ITGB8: variants seen among roughly 807,000 people sequenced by gnomAD.
ITGB8 encodes integrin beta-8.
In ITGB8, 30 loss-of-function variants were observed where a neutral mutation model predicts 89.5. That is an observed-to-expected ratio of 0.34 (90% CI 0.25 to 0.45). ITGB8 has a LOEUF of 0.45. ITGB8 is among the 20% of genes least tolerant of loss of function. ITGB8 has a pLI of 1.00. For synonymous variants in ITGB8, 335 were observed against 320.4 expected, an observed-to-expected ratio of 1.05 and a Z score of -0.49; for missense variants, 836 against 933.3, an observed-to-expected ratio of 0.90 and a Z score of 1.36.
chr7:20,403,890 T>C (rs1377099112), intron 10 of ITGB8, among the ~76,000 whole-genome samples: 3 of 152,222 alleles, frequency 2.0e-5, no homozygotes, highest in Non-Finnish European at 2.9e-5. Context: ...TAGTGCACAT[T>C]GGCATATTAA....
intron 12 of ITGB8, among the ~76,000 whole-genome samples, chr7:20,409,377 A>C (rs960339847): frequency 2.0e-5 from 3 of 152,260 alleles, no homozygotes; most frequent in Non-Finnish European, 4.4e-5. Context: ...TGAATACCTT[A>C]ATCATGGCTA....
chr7:20,414,664 T>C lies in ITGB8; in HGVS notation c.*4667T>C, dbSNP rs1379177373. The C allele has an allele frequency of 1.3e-5, 2 of 152,540 alleles. No homozygotes were observed. The highest frequency in any genetic ancestry group is 1.3e-4 in the Admixed American group (2 of 15,274). 9.4% of individuals were successfully genotyped at this position (152,540 alleles called of 1,614,324 possible). Reference sequence around the variant, plus strand: ...TTCTTCTTTATCATTTGTGGGTTTTTCCCCCTTGGCTCTGATCACTTTAAC... The same window carrying C: ...TTCTTCTTTATCATTTGTGGGTTTTCCCCCCTTGGCTCTGATCACTTTAAC... On this transcript the variant is annotated 3_prime_UTR_variant, in exon 14 of 14. Coordinates refer to ENST00000222573, the MANE Select transcript of ITGB8 (RefSeq NM_002214.3).
At chr7:20,388,604 T>G (rs954968864) in intron 6 of ITGB8, among the ~76,000 whole-genome samples, 8 of 152,140 alleles carry the variant, frequency 5.3e-5, no homozygotes, top group African/African-American at 2.4e-5. Context: ...AAAAATCTGT[T>G]TTTGTAGGCT....
chr7:20,406,551 A>T (rs993463386), intron 12 of ITGB8, among the ~76,000 whole-genome samples: 3 of 17,190 alleles, frequency 1.7e-4, no homozygotes, highest in Non-Finnish European at 2.7e-4. Context: ...ACCCCATTTA[A>T]AAAAAAAAAA....
intron 1 of ITGB8, among the ~76,000 whole-genome samples, chr7:20,342,499 T>C (rs998265434): frequency 1.3e-5 from 2 of 152,160 alleles, no homozygotes; most frequent in East Asian, 3.9e-4. Flanking sequence ...TCTAAATGAG[T>C]TGGTTACACA....
intron 1 of ITGB8, among the ~76,000 whole-genome samples, chr7:20,354,672 G>GA (rs1417991766): frequency 2.6e-5 from 4 of 152,158 alleles, no homozygotes; most frequent in Admixed American, 2.6e-4. Context: ...TGCAGGTCTG[G>GA]ACATTACAGC....
intron 1 of ITGB8, among the ~76,000 whole-genome samples, chr7:20,350,966 C>T (rs1388955738): frequency 2.6e-5 from 4 of 152,136 alleles, no homozygotes; most frequent in African/African-American, 4.8e-5. Flanking sequence ...GGGGCTTTCA[C>T]GCGAAAACTC....
rs946493923 is a variant in ITGB8 at position 20,413,531 on chromosome 7, A to G, written c.*3534A>G. ...TCAAAGGCTTTTTCTTCCTTTTCTT[A>G]CTCCTGTTTTTTCCACTCACTCTTC... On this transcript the variant is annotated 3_prime_UTR_variant, in exon 14 of 14. Coordinates refer to ENST00000222573, the MANE Select transcript of ITGB8 (RefSeq NM_002214.3). 2.6e-5 allele frequency: 4 copies of G among 152,210 alleles called. No homozygotes were observed. In the Admixed American group the frequency reaches 2.6e-4, roughly 10 times the overall value. 9.4% of individuals were successfully genotyped at this position (152,210 alleles called of 1,614,324 possible).
chr7:20,408,935 G>A (rs1186209205), intron 12 of ITGB8, among the ~76,000 whole-genome samples: 1 of 152,124 alleles, frequency 6.6e-6, no homozygotes, highest in African/African-American at 2.4e-5. Flanking sequence ...AATGGAATAG[G>A]TGTAGTTAAC....
At chr7:20,370,281 G>C in intron 3 of ITGB8, among the ~76,000 whole-genome samples, 1 of 151,130 alleles carries the variant, frequency 6.6e-6, no homozygotes, top group South Asian at 2.1e-4. Context: ...AATTCAGAAA[G>C]AAGCCTTTAA....
rs1385264694 is a variant in ITGB8 at position 20,391,475 on chromosome 7, G to A, written c.1033G>A (p.Gly345Arg). The part of the protein sequence containing the change: ...NNINVIFAVQ[G>R]KQFHWYKDLL... ...CATTAATGTCATCTTTGCAGTTCAAGGAAAACAATTTCATTGGTATAAGGT... is the reference window on the plus strand; with the variant it reads ...CATTAATGTCATCTTTGCAGTTCAAAGAAAACAATTTCATTGGTATAAGGT... The change falls in exon 7 of 14, where the codon GGA becomes AGA. Residue 345 changes from glycine to arginine, a missense_variant. Gly to Arg is a moderately radical substitution (Grantham distance 125, BLOSUM62 -2). This residue lies in a region of ITGB8 where 192 missense variants were observed against 267.1 expected (regional missense o/e 0.72). Transcript: ENST00000222573. The A allele has an allele frequency of 1.3e-6, 2 of 1,593,278 alleles. No homozygotes were observed. Among genetic ancestry groups the A allele is most frequent in the Non-Finnish European group, 1.7e-6 (2 of 1,167,414 alleles).
intron 12 of ITGB8, 96 bp downstream of exon 12, chr7:20,406,267 T>A (rs1452933708): frequency 1.2e-6 from 1 of 809,670 alleles, no homozygotes; most frequent in Admixed American, 2.1e-5. Context: ...AAGAAAGGAC[T>A]GGGCCGGGTG....
intron 1 of ITGB8, among the ~76,000 whole-genome samples, chr7:20,344,471 G>A (rs545315305): frequency 8.5e-5 from 13 of 152,316 alleles, no homozygotes; most frequent in African/African-American, 3.1e-4. Context: ...CATATAATTA[G>A]TTGCATTGTT....
intron 1 of ITGB8, among the ~76,000 whole-genome samples, chr7:20,339,294 A>G (rs1271121329): frequency 1.3e-5 from 2 of 152,148 alleles, no homozygotes; most frequent in African/African-American, 4.8e-5. Context: ...TTTAATATCT[A>G]TAAGTGAATG....
rs760924326 is a variant in ITGB8 at position 20,398,863 on chromosome 7, C to A, written c.1150C>A (p.Leu384Ile). The stretch of plus-strand genomic sequence containing the variant: ...TTTAAAAATAATGTCTCTGCAGAAG[C>A]TCATTTCAGAAGTGAAAGTTCAGGT... ...NNLVVEAYQK[L>I]ISEVKVQVEN... Residue 384 changes from leucine (L) to isoleucine (I), a missense_variant, in exon 9 of 14, where the codon CTC becomes ATC. By Grantham distance (5) the Leu-to-Ile change is conservative. This residue lies in a region of ITGB8 where 192 missense variants were observed against 267.1 expected (regional missense o/e 0.72). Coordinates refer to ENST00000222573, the MANE Select transcript of ITGB8 (RefSeq NM_002214.3). 1.3e-6 allele frequency: 2 copies of A among 1,576,060 alleles called. No individual in the cohort carries two copies. Among genetic ancestry groups the A allele is most frequent in the Middle Eastern group, 1.7e-4 (1 of 5,916 alleles).
At chr7:20,340,916 G>C (rs1342286537) in intron 1 of ITGB8, among the ~76,000 whole-genome samples, 1 of 152,172 alleles carries the variant, frequency 6.6e-6, no homozygotes, top group African/African-American at 2.4e-5. Context: ...ATATTAAGGA[G>C]TACCAAATAG....
intron 3 of ITGB8, among the ~76,000 whole-genome samples, chr7:20,372,802 AG>A: frequency 6.6e-6 from 1 of 152,328 alleles, no homozygotes; most frequent in East Asian, 1.9e-4. Flanking sequence ...CATAGTTGTG[AG>A]CTCCATGAGG....
At chr7:20,390,732 A>T (rs889948996) in intron 6 of ITGB8, among the ~76,000 whole-genome samples, 1 of 152,108 alleles carries the variant, frequency 6.6e-6, no homozygotes, top group Non-Finnish European at 1.5e-5. Context: ...AATAGTTCAC[A>T]TACTATTATT....
chr7:20,391,794 T>A (rs987242467), intron 7 of ITGB8, among the ~76,000 whole-genome samples: 1 of 152,182 alleles, frequency 6.6e-6, no homozygotes, highest in African/African-American at 2.4e-5. Flanking sequence ...GGAGAAGACT[T>A]ATCAGGCAAA....
Sources: gnomAD v4.1 joint callset for allele counts (sites outside exome capture counted in the v4.1 genomes callset) on GRCh38, gnomAD v4.1.1 for gene constraint, gnomAD v4.1.1 regional missense constraint, MANE v1.5 for transcripts, NCBI Gene and HGNC (gene_info 2026-07-23, HGNC 2026-07-21) for gene names.